The following MIGA2 variants were observed in gnomAD, a reference collection of about 807,000 sequenced individuals.
The protein encoded by MIGA2 is mitoguardin 2.
MIGA2 carries 36 observed loss-of-function variants against 69.9 expected under a neutral mutation model. The observed-to-expected ratio is 0.52, with a 90% CI of 0.39 to 0.68. The LOEUF is 0.68. MIGA2 is among the 30% of genes least tolerant of loss of function. The probability of loss-of-function intolerance (pLI) is 0.00; values close to 1 mark genes in which losing one functional copy is unlikely to be tolerated. For synonymous variants in MIGA2, 333 were observed against 349.2 expected, an observed-to-expected ratio of 0.95 and a Z score of 0.52; for missense variants, 660 against 787.7, an observed-to-expected ratio of 0.84 and a Z score of 1.94.
intron 6 of MIGA2, among the ~76,000 whole-genome samples, chr9:129,055,084 T>C (rs866330518): frequency 1.3e-5 from 2 of 149,894 alleles, no homozygotes; most frequent in African/African-American, 4.9e-5. Context: ...TCTTTTCTTT[T>C]TTTTTTTTTT....
At chr9:129,055,855 A>G (rs1035529226) in intron 6 of MIGA2, among the ~76,000 whole-genome samples, 3 of 151,880 alleles carry the variant, frequency 2.0e-5, no homozygotes, top group African/African-American at 7.3e-5. Flanking sequence ...TCTGAAAAAA[A>G]AAAAAAAAAT....
chr9:129,056,392 A>G (rs1352741707), intron 6 of MIGA2, among the ~76,000 whole-genome samples: 2 of 152,132 alleles, frequency 1.3e-5, no homozygotes, highest in East Asian at 3.8e-4. Flanking sequence ...CAAGGGAAAT[A>G]AGAGTGTCTT....
rs1265556935 is a variant in MIGA2, at chr9:129,068,060, A to G, written c.1270-138A>G. The G allele has an allele frequency of 1.5e-6, 2 of 1,359,084 alleles. No individual in the cohort carries two copies. Among genetic ancestry groups the G allele is most frequent in the Admixed American group, 1.8e-5 (1 of 55,820 alleles). 84.2% of individuals were successfully genotyped at this position (1,359,084 alleles called of 1,614,324 possible). ...GAATGGCCTCAGCTACACCCGTTGCACAGCAGAGCGGGAAAGACGTGTCCC... is the reference window on the plus strand; with the variant it reads ...GAATGGCCTCAGCTACACCCGTTGCGCAGCAGAGCGGGAAAGACGTGTCCC... On this transcript the variant is annotated intron_variant, in intron 12 of 15. Coordinates refer to ENST00000684074, the MANE Select transcript of MIGA2 (RefSeq NM_001329990.2). This position sits in a 1 kb window ranked among gnomAD's most constrained non-coding sequence, Gnocchi z 4.1.
intron 9 of MIGA2, 28 bp from the exon 10 acceptor site, chr9:129,063,216 T>G (rs1846158577): frequency 6.2e-7 from 1 of 1,612,954 alleles, no homozygotes; most frequent in Non-Finnish European, 8.5e-7. Context: ...GGGACCAGGT[T>G]GTGTGACGCC....
chr9:129,044,174 A>C (rs1238334463), intron 3 of MIGA2, among the ~76,000 whole-genome samples: 1 of 150,194 alleles, frequency 6.7e-6, no homozygotes. Context: ...TTGTATTTTG[A>C]GTAGAGTTGG....
Position 129,060,776 on chromosome 9 carries a change from C to T in MIGA2, c.894+126C>T, listed in dbSNP as rs999264821. 3.4e-5 allele frequency: 27 copies of T among 803,512 alleles called. No individual in the cohort carries two copies. The highest frequency in any genetic ancestry group is 3.8e-5 in the Non-Finnish European group (19 of 505,822). The allele number at this position is 803,512 out of a possible 1,614,324, so 49.8% of individuals were successfully genotyped here. On this transcript the variant is annotated intron_variant, in intron 8 of 15. Coordinates refer to ENST00000684074, the MANE Select transcript of MIGA2 (RefSeq NM_001329990.2). The surrounding 1 kb of genome is among the most constrained non-coding windows in gnomAD (Gnocchi z 4.8). ...CCTCTGATGGGAGAATTTGGATGCT[C>T]CCACGGGCCTCCTCGAAGCTGTTGG...
At chr9:129,043,557 T>C (rs1845039942) in intron 3 of MIGA2, among the ~76,000 whole-genome samples, 1 of 151,870 alleles carries the variant, frequency 6.6e-6, no homozygotes, top group South Asian at 2.1e-4. Flanking sequence ...TGGCTAATTT[T>C]TGTATTTTTA....
chr9:129,069,771 C>A lies in MIGA2; in HGVS notation c.1459-78C>A. On this transcript the variant is annotated intron_variant, in intron 14 of 15. Coordinates refer to ENST00000684074, the MANE Select transcript of MIGA2 (RefSeq NM_001329990.2). The surrounding 1 kb of genome is among the most constrained non-coding windows in gnomAD (Gnocchi z 4.9). ...GCTGGGGCGACCTCTAAAGCCCAGC[C>A]CTTTATGCGACACCTGGGCCTGGTG... The A allele has an allele frequency of 1.0e-6, 1 of 968,768 alleles. No homozygotes were observed. Among genetic ancestry groups the A allele is most frequent in the Non-Finnish European group, 1.7e-6 (1 of 596,160 alleles). The allele number at this position is 968,768 out of a possible 1,614,324, so 60.0% of individuals were successfully genotyped here. A position where few individuals can be genotyped will look rare whatever the true frequency, so the allele number is the denominator to read the frequency against.
In MIGA2 at chr9:129,061,163, G is replaced by A; in HGVS notation, c.895-68G>A. ...GCCGCTGTGGCCGACCAATGGGCAGGTGCCCTTGCGCCGTGGCGTGCTGCT... is the reference window on the plus strand; with the variant it reads ...GCCGCTGTGGCCGACCAATGGGCAGATGCCCTTGCGCCGTGGCGTGCTGCT... On this transcript the variant is annotated intron_variant, in intron 8 of 15. Coordinates refer to ENST00000684074, the MANE Select transcript of MIGA2 (RefSeq NM_001329990.2). The surrounding 1 kb of genome is among the most constrained non-coding windows in gnomAD (Gnocchi z 5.0). The A allele has an allele frequency of 7.3e-7, 1 of 1,372,440 alleles. No individual in the cohort carries two copies. The highest frequency in any genetic ancestry group is 1.4e-5 in the African/African-American group (1 of 69,684). 85.0% of individuals were successfully genotyped at this position (1,372,440 alleles called of 1,614,324 possible).
intron 1 of MIGA2, 88 bp from the exon 2 acceptor site, chr9:129,040,364 T>C: frequency 2.0e-6 from 2 of 977,274 alleles, no homozygotes; most frequent in Non-Finnish European, 2.7e-6. Flanking sequence ...TGCTCCTGCC[T>C]CCTCCCCCAT....
Position 129,061,358 on chromosome 9 carries a change from TGGAGGGAGGGAG to T in MIGA2, c.1010+21_1010+32del. ...TGCCGGACCCTCAGGTGAGCAGGTGTGGAGGGAGGGAGGGAGGGAGCAGGAGGCGATGGGTGA... is the reference window on the plus strand; with the variant it reads ...TGCCGGACCCTCAGGTGAGCAGGTGTGGAGGGAGCAGGAGGCGATGGGTGA... On this transcript the variant is annotated intron_variant, in intron 9 of 15. Coordinates refer to ENST00000684074, the MANE Select transcript of MIGA2 (RefSeq NM_001329990.2). This position sits in a 1 kb window ranked among gnomAD's most constrained non-coding sequence, Gnocchi z 5.0. 3.4e-6 allele frequency: 3 copies of T among 881,834 alleles called. No individual in the cohort carries two copies. Among genetic ancestry groups the T allele is most frequent in the Non-Finnish European group, 5.4e-6 (3 of 560,216 alleles). The allele number at this position is 881,834 out of a possible 1,614,324, so 54.6% of individuals were successfully genotyped here. A position where few individuals can be genotyped will look rare whatever the true frequency, so the allele number is the denominator to read the frequency against.
chr9:129,039,304 G>A (rs975471853), intron 1 of MIGA2, among the ~76,000 whole-genome samples: 12 of 151,424 alleles, frequency 7.9e-5, no homozygotes, highest in African/African-American at 2.7e-4. Context: ...GGAGTGCAGT[G>A]GCGCGATCTT....
chr9:129,063,927 C>G (rs769763479), intron 11 of MIGA2, among the ~76,000 whole-genome samples: 2 of 152,168 alleles, frequency 1.3e-5, no homozygotes, highest in African/African-American at 2.4e-5. Context: ...GAGCGCCACA[C>G]GAGGCCTCCA....
chr9:129,055,109 G>A (rs142487598), intron 6 of MIGA2, among the ~76,000 whole-genome samples: 2,789 of 144,212 alleles, frequency 0.019, 107 homozygotes, highest in Admixed American at 0.095. Flanking sequence ...ATGGAGTCTC[G>A]CTCTGTCGCC....
chr9:129,043,705 T>C (rs1845048750), intron 3 of MIGA2, among the ~76,000 whole-genome samples: 1 of 145,242 alleles, frequency 6.9e-6, no homozygotes, highest in Non-Finnish European at 1.5e-5. Flanking sequence ...CTTTCTACTC[T>C]TTTTTTTTTT....
chr9:129,065,680 T>G (rs560775201), intron 11 of MIGA2, among the ~76,000 whole-genome samples: 12 of 152,274 alleles, frequency 7.9e-5, no homozygotes, highest in Admixed American at 5.2e-4. Flanking sequence ...AGACAACGCC[T>G]GTATAACCAG....
At chr9:129,064,156 T>G (rs1284690508) in intron 11 of MIGA2, among the ~76,000 whole-genome samples, 2 of 152,192 alleles carry the variant, frequency 1.3e-5, no homozygotes, top group African/African-American at 4.8e-5. Flanking sequence ...TAAGGGTGTT[T>G]CCTTGCATCT....
chr9:129,065,953 C>G (rs915331619), intron 11 of MIGA2, among the ~76,000 whole-genome samples: 1 of 152,206 alleles, frequency 6.6e-6, no homozygotes, highest in Non-Finnish European at 1.5e-5. Flanking sequence ...TCCATGAGGG[C>G]CAGTGTCAGA....
At chr9:129,067,740 A>C in intron 11 of MIGA2, 33 bp from the exon 12 acceptor site, 3 of 1,580,378 alleles carry the variant, frequency 1.9e-6, no homozygotes, top group Non-Finnish European at 2.6e-6. Flanking sequence ...GGTCTTGTCC[A>C]GTGACCAGGA....
Sources: gnomAD v4.1 joint callset for allele counts (sites outside exome capture counted in the v4.1 genomes callset) on GRCh38, gnomAD v4.1.1 for gene constraint, Gnocchi (gnomAD v3.1) non-coding constraint, MANE v1.5 for transcripts, NCBI Gene and HGNC (gene_info 2026-07-23, HGNC 2026-07-21) for gene names.